PCSK6: variants seen among roughly 807,000 people sequenced by gnomAD.
PCSK6 encodes the protein paired basic amino acid cleaving enzyme 4.
In PCSK6, 85 loss-of-function variants were observed where a neutral mutation model predicts 123.3. That is an observed-to-expected ratio of 0.69 (90% CI 0.58 to 0.83). The LOEUF (loss-of-function observed/expected upper bound fraction) is 0.83, where lower values mean the gene tolerates loss of function less well. Ranked by LOEUF, PCSK6 falls within the 40% of genes least tolerant of loss-of-function variation. The pLI is 0.00. For missense variants in PCSK6, 1,191 were observed against 1,282.3 expected (o/e 0.93, Z 1.09); for synonymous variants, 508 against 516.0 (o/e 0.98, Z 0.21).
intron 6 of PCSK6, among the ~76,000 whole-genome samples, chr15:101,411,180 C>T (rs880455): frequency 0.01 from 1,575 of 152,190 alleles, 25 homozygotes; most frequent in African/African-American, 0.036. Flanking sequence ...GGTCCTGGCG[C>T]GAGGACTTCT....
chr15:101,427,735 G>C (rs1330365561), intron 6 of PCSK6, among the ~76,000 whole-genome samples, 157 bp downstream of exon 6: 1 of 152,242 alleles, frequency 6.6e-6, no homozygotes, highest in African/African-American at 2.4e-5. Flanking sequence ...TCAGCTGCCT[G>C]GGCCATGATA....
intron 6 of PCSK6, among the ~76,000 whole-genome samples, chr15:101,416,123 C>T (rs2055879071): frequency 6.6e-6 from 1 of 152,154 alleles, no homozygotes; most frequent in South Asian, 2.1e-4. Context: ...TTTGGAACCT[C>T]CTAGAGATTT....
In PCSK6 at chr15:101,427,958, C is replaced by T. The variant is rs1254066559; in HGVS notation, c.757G>A (p.Glu253Lys). The T allele has an allele frequency of 6.3e-7, 1 of 1,583,466 alleles. No homozygotes were observed. The highest frequency in any genetic ancestry group is 1.3e-5 in the African/African-American group (1 of 74,342). Residue 253 changes from glutamate to lysine, a missense_variant, in exon 6 of 22, where the codon GAA (glutamate) becomes AAA (lysine). Around this residue, in one of 3 missense-constraint regions of PCSK6, gnomAD observed 357 missense variants for 484.5 expected, o/e 0.74. Coordinates refer to ENST00000611716, the MANE Select transcript of PCSK6 (RefSeq NM_002570.5). ...GAATTGTTTGCTGAAGCAGCAACTT[C>T]TCCCGCACAACGAGTGCCGTGTCTG... ...ENKHGTRCAG[E>K]VAASANNSYC...
intron 1 of PCSK6, among the ~76,000 whole-genome samples, chr15:101,475,894 A>G (rs1028552963): frequency 2.0e-5 from 3 of 152,234 alleles, no homozygotes; most frequent in African/African-American, 7.2e-5. Context: ...ACAATTGGTC[A>G]TCACTACACA....
Position 101,307,335 on chromosome 15 carries a change from G to A in PCSK6, c.2700-10C>T. 6.2e-7 allele frequency: 1 copy of A among 1,602,738 alleles called. No individual in the cohort carries two copies. The highest frequency in any genetic ancestry group is 8.5e-7 in the Non-Finnish European group (1 of 1,171,846). On this transcript the variant is annotated splice_polypyrimidine_tract_variant and intron_variant, in intron 20 of 21. Transcript: ENST00000611716. ...GCAGTTCTCGTCACACCTGTGGGAA[G>A]ATACCGTTCCTGCTGAAGTCTGGGG...
intron 13 of PCSK6, among the ~76,000 whole-genome samples, chr15:101,360,960 C>T (rs2041203163): frequency 6.6e-6 from 1 of 152,202 alleles, no homozygotes; most frequent in Non-Finnish European, 1.5e-5. Flanking sequence ...CTCTGCCTTC[C>T]AGAATGTAAG....
intron 6 of PCSK6, among the ~76,000 whole-genome samples, chr15:101,408,720 C>T (rs2042850431): frequency 6.6e-6 from 1 of 152,214 alleles, no homozygotes; most frequent in Non-Finnish European, 1.5e-5. Context: ...CGCTGGGAAC[C>T]TTTGAAGATT....
chr15:101,334,455 C>T (rs986254193), intron 13 of PCSK6: 4 of 151,208 alleles, frequency 2.6e-5, no homozygotes, highest in African/African-American at 4.9e-5. Context: ...TTGTTCTCAC[C>T]GCTGCAGCAG....
intron 17 of PCSK6, 67 bp downstream of exon 17, chr15:101,324,783 A>G: frequency 7.6e-7 from 1 of 1,324,402 alleles, no homozygotes; most frequent in Non-Finnish European, 1.1e-6. Context: ...CTCCCTGGAG[A>G]GAGGACACGG....
chr15:101,312,796 G>A (rs115006641), intron 20 of PCSK6, among the ~76,000 whole-genome samples: 1,482 of 147,696 alleles, frequency 0.01, 29 homozygotes, highest in African/African-American at 0.036. Flanking sequence ...CGCCCACTGC[G>A]CTCCAGCCTG....
chr15:101,456,328 G>A (rs1471381703), intron 1 of PCSK6, among the ~76,000 whole-genome samples: 5 of 152,156 alleles, frequency 3.3e-5, no homozygotes, highest in African/African-American at 9.7e-5. Context: ...CCGTCTGTGC[G>A]TTTATCAATA....
chr15:101,306,196 G>A (rs2039719223), intron 21 of PCSK6, among the ~76,000 whole-genome samples: 1 of 152,122 alleles, frequency 6.6e-6, no homozygotes, highest in South Asian at 2.1e-4. Flanking sequence ...GCAGCAAGGG[G>A]AAGAGGCCTT....
chr15:101,441,518 T>C (rs553123076), intron 2 of PCSK6, among the ~76,000 whole-genome samples: 24 of 152,168 alleles, frequency 1.6e-4, no homozygotes, highest in African/African-American at 4.8e-4. Flanking sequence ...ATTAATATTT[T>C]TGGAAGGAAG....
intron 1 of PCSK6, among the ~76,000 whole-genome samples, chr15:101,488,884 C>G (rs1206545050): frequency 6.6e-6 from 1 of 150,902 alleles, no homozygotes; most frequent in African/African-American, 2.4e-5. Flanking sequence ...GCAGCGGCCG[C>G]GGCCGCCTTG....
rs958851167 is a variant in PCSK6, at chr15:101,305,603, G to C, written c.2813-248C>G. On this transcript the variant is annotated intron_variant, in intron 21 of 21. Transcript: ENST00000611716. This position sits in a 1 kb window ranked among gnomAD's most constrained non-coding sequence, Gnocchi z 4.8. Reference sequence around the variant, plus strand: ...GGCACCTGTAATCCAAGCTACTCGGGAGGCTAAAGCAGGAGAACCACCTGA... The same window carrying C: ...GGCACCTGTAATCCAAGCTACTCGGCAGGCTAAAGCAGGAGAACCACCTGA... 2.4e-6 allele frequency: 1 copy of C among 414,844 alleles called. No homozygotes were observed. Among genetic ancestry groups the C allele is most frequent in the Admixed American group, 3.6e-5 (1 of 27,444 alleles). The allele number at this position is 414,844 out of a possible 1,614,324, so 25.7% of individuals were successfully genotyped here. A position where few individuals can be genotyped will look rare whatever the true frequency, so the allele number is the denominator to read the frequency against.
chr15:101,396,842 A>G (rs1398469290), intron 7 of PCSK6, among the ~76,000 whole-genome samples: 1 of 151,996 alleles, frequency 6.6e-6, no homozygotes, highest in African/African-American at 2.4e-5. Context: ...GTGTGTGTCT[A>G]CACCGCCCCT....
chr15:101,312,609 T>C (rs1436010199), intron 20 of PCSK6, among the ~76,000 whole-genome samples: 2 of 152,296 alleles, frequency 1.3e-5, no homozygotes, highest in East Asian at 3.9e-4. Flanking sequence ...GGTGGGTGGA[T>C]CACTTGAGGC....
intron 13 of PCSK6, among the ~76,000 whole-genome samples, chr15:101,352,616 A>G (rs1455552454): frequency 6.6e-6 from 1 of 152,242 alleles, no homozygotes; most frequent in Non-Finnish European, 1.5e-5. Flanking sequence ...TTAACGGACT[A>G]TCCGTACTGT....
intron 6 of PCSK6, among the ~76,000 whole-genome samples, chr15:101,413,763 T>C (rs893025962): frequency 1.3e-5 from 2 of 152,224 alleles, no homozygotes; most frequent in African/African-American, 4.8e-5. Context: ...GACTTGATCA[T>C]TCTGCATTCC....
Sources: gnomAD v4.1 joint callset for allele counts (sites outside exome capture counted in the v4.1 genomes callset) on GRCh38, gnomAD v4.1.1 for gene constraint, gnomAD v4.1.1 regional missense constraint, Gnocchi (gnomAD v3.1) non-coding constraint, MANE v1.5 for transcripts, NCBI Gene and HGNC (gene_info 2026-07-23, HGNC 2026-07-21) for gene names.